ANK1: variants seen among roughly 807,000 people sequenced by gnomAD.
ANK1 encodes the protein ankyrin 1.
In ANK1, 51 loss-of-function variants were observed where a neutral mutation model predicts 210.4. The observed-to-expected ratio is 0.24, with a 90% CI of 0.19 to 0.31. The LOEUF (loss-of-function observed/expected upper bound fraction) is 0.31. Among genes scored for constraint, ANK1 ranks in the 10% least tolerant of loss-of-function variants. ANK1 has a pLI of 1.00. For missense variants in ANK1, 2,051 were observed against 2,504.4 expected (o/e 0.82, Z 3.86); for synonymous variants, 967 against 1,025.9 (o/e 0.94, Z 1.10).
At chr8:41,895,573 C>A (rs2150840832) in intron 1 of ANK1, among the ~76,000 whole-genome samples, 1 of 152,262 alleles carries the variant, frequency 6.6e-6, no homozygotes, top group Non-Finnish European at 1.5e-5. Context: ...CACCCCGACA[C>A]AGAAATACCC....
chr8:41,663,618 C>T lies in ANK1; in HGVS notation c.5478+41G>A, dbSNP rs766615613. 9.5e-6 allele frequency: 15 copies of T among 1,584,568 alleles called. No individual in the cohort carries two copies. In the African/African-American group the frequency reaches 2.0e-4, roughly 21 times the overall value. On this transcript the variant is annotated intron_variant, in intron 40 of 42. Coordinates refer to ENST00000289734, the MANE Select transcript of ANK1 (RefSeq NM_000037.4). ...CTACCACCTTTTAGCTTCTAGCCCA[C>T]CTGCCTCTCCCCAGCACAGAGGGGA...
At chr8:41,666,306 A>T (rs1015278056) in intron 39 of ANK1, among the ~76,000 whole-genome samples, 2 of 152,228 alleles carry the variant, frequency 1.3e-5, no homozygotes, top group Non-Finnish European at 2.9e-5. Context: ...CACAGTCCTA[A>T]CCAAGGAGGT....
At chr8:41,773,162 G>T (rs1450646757) in intron 1 of ANK1, among the ~76,000 whole-genome samples, 1 of 152,040 alleles carries the variant, frequency 6.6e-6, no homozygotes, top group Non-Finnish European at 1.5e-5. Flanking sequence ...TGTGTAGGGA[G>T]TGCCCAGTGG....
chr8:41,719,932 A>G, intron 9 of ANK1, 74 bp from the exon 10 acceptor site: 4 of 1,514,742 alleles, frequency 2.6e-6, no homozygotes, highest in East Asian at 4.5e-5. Context: ...GACGATTCCA[A>G]CGTCACTCCC....
intron 1 of ANK1, among the ~76,000 whole-genome samples, chr8:41,834,459 C>A (rs892908994): frequency 6.6e-6 from 1 of 152,216 alleles, no homozygotes; most frequent in Non-Finnish European, 1.5e-5. Flanking sequence ...CTGGCTCATG[C>A]CGAAGACCTG....
intron 5 of ANK1, 57 bp from the exon 6 acceptor site, chr8:41,726,003 C>G: frequency 1.3e-6 from 2 of 1,576,820 alleles, no homozygotes; most frequent in Non-Finnish European, 1.7e-6. Context: ...CCGCCCTTCA[C>G]ACGGGACACA....
intron 16 of ANK1, 96 bp from the exon 17 acceptor site, chr8:41,709,071 T>A: frequency 6.9e-7 from 1 of 1,449,722 alleles, no homozygotes; most frequent in Non-Finnish European, 9.5e-7. Flanking sequence ...CTTGGCCGGC[T>A]GGACACCCAG....
chr8:41,735,489 A>G (rs1563612357), intron 2 of ANK1, among the ~76,000 whole-genome samples: 1 of 151,958 alleles, frequency 6.6e-6, no homozygotes, highest in Non-Finnish European at 1.5e-5. Context: ...GAGCCACTTC[A>G]GGCTCCAGTT....
chr8:41,751,907 C>T (rs1467324956), intron 2 of ANK1, among the ~76,000 whole-genome samples: 2 of 152,176 alleles, frequency 1.3e-5, no homozygotes, highest in Non-Finnish European at 2.9e-5. Context: ...CCTCTTTGAT[C>T]TGACCCCAGG....
chr8:41,850,619 T>C (rs1811062693), intron 1 of ANK1, among the ~76,000 whole-genome samples: 1 of 152,208 alleles, frequency 6.6e-6, no homozygotes, highest in Non-Finnish European at 1.5e-5. Flanking sequence ...TAGCTGGGAC[T>C]ACAGGTATGA....
At chr8:41,867,425 G>C (rs1272266942) in intron 1 of ANK1, among the ~76,000 whole-genome samples, 1 of 152,100 alleles carries the variant, frequency 6.6e-6, no homozygotes, top group Non-Finnish European at 1.5e-5. Flanking sequence ...CTCCTAAAAT[G>C]CACAAAATCT....
rs58257785 is a variant in ANK1, at chr8:41,761,371, GCACACA to G, written c.28-3240_28-3235del. On this transcript the variant is annotated intron_variant, in intron 1 of 42. Transcript: ENST00000289734. ...CACATGCACATACAGAGACCTGTGT[GCACACA>G]CACACACACACATGTTCACACACAC... Among the ~76,000 whole-genome samples the G allele has an allele frequency of 6.4e-3, 962 of 150,732 alleles. 10 individuals carry two copies. Among genetic ancestry groups the G allele is most frequent in the Non-Finnish European group, 7.8e-3 (530 of 67,614 alleles).
At position 41,745,318 on chromosome 8, in the gene ANK1, G is replaced by A. The variant is rs551537191; in HGVS notation, c.130-11249C>T. Among the ~76,000 whole-genome samples the A allele has an allele frequency of 7.2e-5, 11 of 152,294 alleles. No individual in the cohort carries two copies. In the South Asian group the frequency reaches 2.1e-3, roughly 29 times the overall value. ...ATTGGCAGGCACGTGGGATGGATAC[G>A]TGGGAAAGTGTCCTTACTTTTGGAT... On this transcript the variant is annotated intron_variant, in intron 2 of 42. Coordinates refer to ENST00000289734, the MANE Select transcript of ANK1 (RefSeq NM_000037.4).
chr8:41,834,588 G>A (rs1807274344), intron 1 of ANK1, among the ~76,000 whole-genome samples: 1 of 152,230 alleles, frequency 6.6e-6, no homozygotes, highest in South Asian at 2.1e-4. Flanking sequence ...GCACAGGTGC[G>A]GCTGGACCTG....
chr8:41,730,142 G>A (rs1299645461), intron 3 of ANK1, among the ~76,000 whole-genome samples: 5 of 152,252 alleles, frequency 3.3e-5, no homozygotes, highest in Non-Finnish European at 7.3e-5. Context: ...TCACCTGGAG[G>A]AAAAGCTTCC....
At chr8:41,729,749 T>C (rs988549924) in intron 3 of ANK1, among the ~76,000 whole-genome samples, 1 of 152,248 alleles carries the variant, frequency 6.6e-6, no homozygotes, top group Non-Finnish European at 1.5e-5. Context: ...CCTCCATCTG[T>C]TCCCGGGATA....
chr8:41,693,663 G>A (rs1486576755), intron 29 of ANK1, among the ~76,000 whole-genome samples: 6 of 151,922 alleles, frequency 3.9e-5, no homozygotes, highest in Non-Finnish European at 7.4e-5. Flanking sequence ...GACCTCAGGC[G>A]ATCCACCCGC....
intron 1 of ANK1, among the ~76,000 whole-genome samples, chr8:41,850,285 T>C (rs1183974271): frequency 6.6e-6 from 1 of 151,972 alleles, no homozygotes; most frequent in Non-Finnish European, 1.5e-5. Flanking sequence ...AAATAATGCT[T>C]AAGTGGGGCT....
chr8:41,677,720 G>C (rs930835623), intron 37 of ANK1, among the ~76,000 whole-genome samples: 6 of 151,750 alleles, frequency 4.0e-5, no homozygotes, highest in African/African-American at 1.2e-4. Flanking sequence ...CTTCTGAGTA[G>C]CTAAAAGTAC....
Sources: gnomAD v4.1 joint callset for allele counts (sites outside exome capture counted in the v4.1 genomes callset) on GRCh38, gnomAD v4.1.1 for gene constraint, MANE v1.5 for transcripts, NCBI Gene and HGNC (gene_info 2026-07-23, HGNC 2026-07-21) for gene names.